The following KCMF1 variants were observed in gnomAD, a reference collection of about 807,000 sequenced individuals.
KCMF1 encodes potassium channel modulatory factor 1, also known as E3 ubiquitin-protein ligase KCMF1.
In KCMF1, 3 loss-of-function variants were observed where a neutral mutation model predicts 41.1. The observed-to-expected ratio is 0.07, with a 90% CI of 0.03 to 0.19. KCMF1 has a LOEUF of 0.19. KCMF1 is among the 10% of genes least tolerant of loss of function. KCMF1 has a pLI of 1.00. For synonymous variants in KCMF1, 142 were observed against 164.5 expected (o/e 0.86, Z 1.04); for missense variants, 286 against 488.9 (o/e 0.58, Z 3.91).
intron 3 of KCMF1, among the ~76,000 whole-genome samples, chr2:85,037,339 A>C (rs917786318): frequency 6.6e-6 from 1 of 152,324 alleles, no homozygotes; most frequent in Non-Finnish European, 1.5e-5. Context: ...TTTAATATAA[A>C]AGTACAGGAT....
chr2:85,020,697 G>A (rs111588178), intron 1 of KCMF1, among the ~76,000 whole-genome samples: 18 of 152,210 alleles, frequency 1.2e-4, no homozygotes, highest in Admixed American at 2.6e-4. Context: ...CAAAGTGTTC[G>A]TATTGATTAC....
At position 85,039,818 on chromosome 2, in the gene KCMF1, C is replaced by G. The variant is rs541019352; in HGVS notation, c.325-3746C>G. Among the ~76,000 whole-genome samples the G allele has an allele frequency of 1.1e-3, 164 of 150,892 alleles. 1 individual carries two copies. The highest frequency in any genetic ancestry group is 3.7e-3 in the African/African-American group (152 of 41,192). ...CATTTGTGAATACAAATGTTTTTTC[C>G]TTTTTTTTTGGAGACAGAGATTTTG... On this transcript the variant is annotated intron_variant, in intron 3 of 6. Coordinates refer to ENST00000409785, the MANE Select transcript of KCMF1 (RefSeq NM_020122.5).
intron 5 of KCMF1, among the ~76,000 whole-genome samples, chr2:85,048,636 G>T (rs1354557953): frequency 6.6e-6 from 1 of 152,210 alleles, no homozygotes; most frequent in Non-Finnish European, 1.5e-5. Flanking sequence ...ATGAGGATGC[G>T]GGGACAAAAG....
intron 1 of KCMF1, among the ~76,000 whole-genome samples, chr2:84,996,429 G>GTTTTTTTT: frequency 1.4e-5 from 2 of 140,860 alleles, no homozygotes; most frequent in African/African-American, 2.8e-5. Context: ...AATAACCTAA[G>GTTTTTTTT]ATTTTTTTTT....
At chr2:85,042,051 C>G (rs1240230434) in intron 3 of KCMF1, among the ~76,000 whole-genome samples, 1 of 152,184 alleles carries the variant, frequency 6.6e-6, no homozygotes, top group African/African-American at 2.4e-5. Flanking sequence ...GACCACCTTC[C>G]TGGCATCTTC....
intron 3 of KCMF1, 72 bp downstream of exon 3, chr2:85,035,227 G>T (rs1675380245): frequency 7.6e-7 from 1 of 1,310,668 alleles, no homozygotes; most frequent in African/African-American, 1.5e-5. Context: ...AATAAAGCTA[G>T]GTCACTGTCA....
intron 2 of KCMF1, among the ~76,000 whole-genome samples, chr2:85,030,803 C>A (rs748322982): frequency 2.6e-5 from 4 of 152,150 alleles, no homozygotes; most frequent in Non-Finnish European, 5.9e-5. Context: ...CTCAAGCAAT[C>A]CTCCACCCTC....
intron 2 of KCMF1, among the ~76,000 whole-genome samples, chr2:85,031,732 A>G (rs1558582145): frequency 6.6e-6 from 1 of 152,150 alleles, no homozygotes; most frequent in African/African-American, 2.4e-5. Context: ...CTTAAATGGA[A>G]TTTTTATCTT....
chr2:85,008,291 T>TATATATCATATATAATATATCATATG (rs1553379311), intron 1 of KCMF1, among the ~76,000 whole-genome samples: 16 of 14,650 alleles, frequency 1.1e-3, no homozygotes, highest in African/African-American at 2.5e-3. Context: ...TGATATATAA[T>TATATATCATATATAATATATCATATG]ATATATAATA....
intron 1 of KCMF1, among the ~76,000 whole-genome samples, chr2:84,973,219 ATACAGATAGT>A (rs1673447278): frequency 6.6e-6 from 1 of 152,236 alleles, no homozygotes; most frequent in Non-Finnish European, 1.5e-5. Flanking sequence ...CTAAGAAAGC[ATACAGATAGT>A]TCCAGACGAG....
intron 1 of KCMF1, among the ~76,000 whole-genome samples, chr2:85,008,305 A>G (rs796198811): frequency 7.7e-4 from 7 of 9,052 alleles, no homozygotes; most frequent in African/African-American, 1.0e-3. Context: ...TATAATATAT[A>G]ATATGATATA....
intron 1 of KCMF1, among the ~76,000 whole-genome samples, chr2:84,998,861 C>T (rs1343884570): frequency 6.6e-6 from 1 of 151,606 alleles, no homozygotes; most frequent in East Asian, 1.9e-4. Context: ...ATCCACCCAA[C>T]TCGGACTCCC....
At chr2:85,049,835 T>C (rs1675766023) in intron 6 of KCMF1, among the ~76,000 whole-genome samples, 187 bp downstream of exon 6, 1 of 152,188 alleles carries the variant, frequency 6.6e-6, no homozygotes, top group African/African-American at 2.4e-5. Flanking sequence ...GTAATTATTT[T>C]AGATAAATTA....
chr2:85,013,177 C>T (rs1302529253), intron 1 of KCMF1, among the ~76,000 whole-genome samples: 3 of 152,116 alleles, frequency 2.0e-5, no homozygotes, highest in African/African-American at 7.2e-5. Flanking sequence ...ATTTACTTAT[C>T]CTTATTCCCC....
intron 3 of KCMF1, among the ~76,000 whole-genome samples, chr2:85,041,508 T>C (rs1210764076): frequency 6.6e-6 from 1 of 152,128 alleles, no homozygotes; most frequent in African/African-American, 2.4e-5. Context: ...TTTGCAGCTA[T>C]CATTGGACAG....
chr2:85,045,170 C>G (rs1675633651), intron 4 of KCMF1, among the ~76,000 whole-genome samples: 1 of 152,080 alleles, frequency 6.6e-6, no homozygotes, highest in African/African-American at 2.4e-5. Flanking sequence ...AGCCCATGAG[C>G]TCAAGGCTGC....
At position 84,979,880 on chromosome 2, in the gene KCMF1, T is replaced by G. The variant is rs927465623; in HGVS notation, c.16+8413T>G. 5.9e-5 allele frequency among the ~76,000 whole-genome samples: 9 copies of G among 152,174 alleles called. No homozygotes were observed. The South Asian group carries it at 1.0e-3, about 18-fold the overall frequency. On this transcript the variant is annotated intron_variant, in intron 1 of 6. Coordinates refer to ENST00000409785, the MANE Select transcript of KCMF1 (RefSeq NM_020122.5). ...TATTGTTGCCCAGGCTGGAGTGCAG[T>G]GGCGCGATCTCGGCTCACCGCAACC...
At chr2:85,027,286 T>C (rs545874291) in intron 1 of KCMF1, among the ~76,000 whole-genome samples, 7 of 151,662 alleles carry the variant, frequency 4.6e-5, no homozygotes, top group Non-Finnish European at 8.8e-5. Context: ...AATACCCTCA[T>C]GGTGAAAAGC....
At chr2:84,984,347 C>T (rs558549016) in intron 1 of KCMF1, among the ~76,000 whole-genome samples, 152 of 152,146 alleles carry the variant, frequency 1.0e-3, no homozygotes, top group African/African-American at 3.6e-3. Flanking sequence ...GCAATTTTCC[C>T]GCCTCAGCCT....
Sources: allele counts gnomAD v4.1 joint callset (sites outside exome capture counted in the v4.1 genomes callset), GRCh38; gene constraint gnomAD v4.1.1; transcripts MANE v1.5; gene names NCBI Gene and HGNC (gene_info 2026-07-23, HGNC 2026-07-21).